Variants in CEP135 observed in about 807,000 individuals in gnomAD.
CEP135 encodes centrosomal protein 135, also known as centrosomal protein of 135 kDa.
A neutral mutation model predicts 157.3 loss-of-function variants in CEP135; 142 were observed. The ratio of observed to expected loss-of-function variants is 0.90; its 90% CI spans 0.79 to 1.04. The LOEUF is 1.04. Among genes scored for constraint, CEP135 ranks in the 50% least tolerant of loss-of-function variants. CEP135 has a pLI of 0.00. For synonymous variants in CEP135, 396 were observed against 439.8 expected (o/e 0.90, Z 1.25); for missense variants, 1,317 against 1,309.2 (o/e 1.01, Z -0.09).
At chr4:55,985,258 T>C (rs1729538601) in intron 13 of CEP135, 23 bp from the exon 14 acceptor site, 4 of 1,384,562 alleles carry the variant, frequency 2.9e-6, no homozygotes, top group Non-Finnish European at 4.1e-6. Context: ...CAAATGAACA[T>C]TTTCTTTAAC....
At chr4:56,016,141 G>A (rs532076939) in intron 21 of CEP135, among the ~76,000 whole-genome samples, 1 of 152,188 alleles carries the variant, frequency 6.6e-6, no homozygotes, top group East Asian at 1.9e-4. Context: ...GGAGTGATAT[G>A]TCTGCAAGTG....
intron 25 of CEP135, among the ~76,000 whole-genome samples, chr4:56,030,316 A>G (rs1449659371): frequency 6.6e-6 from 1 of 152,246 alleles, no homozygotes; most frequent in Admixed American, 6.5e-5. Flanking sequence ...AAAGCATAGC[A>G]TAGTAAATAC....
At chr4:56,030,476 G>A (rs920116606) in intron 25 of CEP135, among the ~76,000 whole-genome samples, 10 of 152,128 alleles carry the variant, frequency 6.6e-5, no homozygotes, top group South Asian at 6.2e-4. Flanking sequence ...ACAAGGTCTC[G>A]CGGTCTCGCT....
chr4:55,982,068 C>T (rs1008856425), intron 13 of CEP135, among the ~76,000 whole-genome samples: 3 of 152,102 alleles, frequency 2.0e-5, no homozygotes, highest in Non-Finnish European at 4.4e-5. Flanking sequence ...AGAGCATTTT[C>T]ATCACCACAA....
In CEP135 at chr4:55,964,649, G is replaced by T. The variant is rs3806748; in HGVS notation, c.828+247G>T. ...CCATAACATTAACAATTTAAAGGAA[G>T]AGAATAAACTCTGGGCACATGATTG... is the stretch of plus-strand genomic sequence containing the variant. On this transcript the variant is annotated intron_variant, in intron 7 of 25. Transcript: ENST00000257287. Among the ~76,000 whole-genome samples, 4 of 152,172 alleles carry T rather than the reference G, an allele frequency of 2.6e-5. No individual in the cohort carries two copies. The East Asian group carries it at 7.7e-4, about 29-fold the overall frequency.
At chr4:55,966,101 A>T (rs2109658245) in intron 8 of CEP135, 2 of 386,542 alleles carry the variant, frequency 5.2e-6, no homozygotes, top group African/African-American at 4.2e-5. Flanking sequence ...GGATCTCCAA[A>T]CTCTAGTCTG....
intron 25 of CEP135, among the ~76,000 whole-genome samples, chr4:56,028,880 AGT>A (rs1560429436): frequency 6.6e-6 from 1 of 152,148 alleles, no homozygotes; most frequent in Non-Finnish European, 1.5e-5. Context: ...GCCTGGAGAT[AGT>A]GTCAGATCCC....
At chr4:55,994,548 T>C (rs1286398257) in intron 15 of CEP135, among the ~76,000 whole-genome samples, 2 of 152,122 alleles carry the variant, frequency 1.3e-5, no homozygotes, top group Non-Finnish European at 2.9e-5. Flanking sequence ...CTGTCTCAGA[T>C]AGATAAGGCA....
rs111635329 is a variant in CEP135 at position 55,958,744 on chromosome 4, G to A, written c.615-938G>A. Among the ~76,000 whole-genome samples the A allele has an allele frequency of 3.5e-3, 535 of 152,134 alleles. 4 individuals carry two copies. The highest frequency in any genetic ancestry group is 0.012 in the African/African-American group (482 of 41,486). On this transcript the variant is annotated intron_variant, in intron 5 of 25. Transcript: ENST00000257287. The stretch of plus-strand genomic sequence containing the variant: ...TTCCAGTTAACATCAGGTACAAGCC[G>A]TATCCAGCCTCATTTACTCCACCCC...
chr4:56,014,540 G>C (rs558388239), intron 21 of CEP135, among the ~76,000 whole-genome samples: 85 of 152,334 alleles, frequency 5.6e-4, no homozygotes, highest in African/African-American at 1.9e-3. Context: ...TTGTTATAAA[G>C]TGACAGAGAA....
At chr4:55,992,203 T>C in intron 15 of CEP135, 118 bp downstream of exon 15, 1 of 871,082 alleles carries the variant, frequency 1.1e-6, no homozygotes, top group Non-Finnish European at 1.7e-6. Context: ...AAGTTGGCTT[T>C]GCAGTAGACT....
chr4:56,014,635 G>A (rs560960329), intron 21 of CEP135, among the ~76,000 whole-genome samples: 2 of 152,272 alleles, frequency 1.3e-5, no homozygotes, highest in South Asian at 4.1e-4. Context: ...AGATTTCCAA[G>A]CAAAGTGCGG....
At chr4:55,996,485 G>A (rs1158002050) in intron 15 of CEP135, among the ~76,000 whole-genome samples, 1 of 152,088 alleles carries the variant, frequency 6.6e-6, no homozygotes, top group African/African-American at 2.4e-5. Context: ...CCCTGAGTGA[G>A]GATGGCTGAG....
intron 8 of CEP135, among the ~76,000 whole-genome samples, chr4:55,968,313 A>C (rs990361637): frequency 6.6e-6 from 1 of 152,098 alleles, no homozygotes; most frequent in Non-Finnish European, 1.5e-5. Flanking sequence ...GGAAGACCCA[A>C]TATTGTTAAA....
At chr4:56,014,809 G>A (rs565543029) in intron 21 of CEP135, among the ~76,000 whole-genome samples, 4 of 152,208 alleles carry the variant, frequency 2.6e-5, no homozygotes, top group African/African-American at 7.2e-5. Flanking sequence ...CAGGCAGATC[G>A]CTCAAGCAAT....
chr4:56,016,590 T>A (rs1730782358), intron 21 of CEP135, among the ~76,000 whole-genome samples: 1 of 152,192 alleles, frequency 6.6e-6, no homozygotes. Flanking sequence ...CTTTTATTAA[T>A]GCACTAAAAA....
At chr4:56,013,670 G>A (rs1211521632) in intron 21 of CEP135, among the ~76,000 whole-genome samples, 1 of 152,084 alleles carries the variant, frequency 6.6e-6, no homozygotes, top group Admixed American at 6.5e-5. Flanking sequence ...TAGGGACCCT[G>A]GGTTAGATTG....
At position 55,971,385 on chromosome 4, in the gene CEP135, A is replaced by C; in HGVS notation, c.1226A>C (p.Lys409Thr). 1.3e-6 allele frequency: 2 copies of C among 1,597,726 alleles called. No homozygotes were observed. Among genetic ancestry groups the C allele is most frequent in the African/African-American group, 2.7e-5 (2 of 74,074 alleles). Residue 409 changes from lysine to threonine, a missense_variant, in exon 10 of 26, where the codon AAA becomes ACA. Transcript: ENST00000257287. ...CAAGAAAAGCAAAGACTTAGCAAAA[A>C]AGTTGAAAGTTTTGCAGTTACAGGT... Reference protein sequence around the residue: ...LEQEKQRLSKKVESFAVTERQ... With the variant: ...LEQEKQRLSKTVESFAVTERQ...
rs191768874 is a variant in CEP135, at chr4:56,011,559, G to T, written c.2616+37G>T. 86,875 of 1,148,116 alleles carry T rather than the reference G, an allele frequency of 0.076. 2,070 individuals are homozygous for T. The highest frequency in any genetic ancestry group is 0.11 in the Middle Eastern group (518 of 4,880). The allele number at this position is 1,148,116 out of a possible 1,614,324, so 71.1% of individuals were successfully genotyped here. Reference sequence around the variant, plus strand: ...TATTTAGGTTGGATTTAAGACTGAGGTTTTTTTTTTTTTTAACTTTTTCAT... The same window carrying T: ...TATTTAGGTTGGATTTAAGACTGAGTTTTTTTTTTTTTTTAACTTTTTCAT... On this transcript the variant is annotated intron_variant, in intron 20 of 25. Transcript: ENST00000257287.
Sources: gnomAD v4.1 joint callset for allele counts (sites outside exome capture counted in the v4.1 genomes callset) on GRCh38, gnomAD v4.1.1 for gene constraint, MANE v1.5 for transcripts, NCBI Gene and HGNC (gene_info 2026-07-23, HGNC 2026-07-21) for gene names.